DECR2: variants seen among roughly 807,000 people sequenced by gnomAD.
DECR2 encodes the protein peroxisomal 2,4-dienoyl-CoA reductase [(3E)-enoyl-CoA-producing].
In DECR2, 34 loss-of-function variants were observed where a neutral mutation model predicts 29.2. The ratio of observed to expected loss-of-function variants is 1.16; its 90% confidence interval spans 0.89 to 1.55. The LOEUF is 1.55. Among genes scored for constraint, DECR2 ranks in the 40% most tolerant of loss-of-function variants. The pLI, the probability that DECR2 is intolerant of heterozygous loss-of-function variation, is 0.00. For missense variants in DECR2, 485 were observed against 425.3 expected (o/e 1.14, Z -1.23); for synonymous variants, 224 against 182.7 (o/e 1.23, Z -1.82).
Position 410,024 on chromosome 16 carries a change from A to T in DECR2, c.338-219A>T. ...AGGCCACAGTCGCAGGTACGGAGCC[A>T]GGGCTTCAGCATGTCTTCTCTTCTC... On this transcript the variant is annotated intron_variant, in intron 4 of 8. Coordinates refer to ENST00000219481, the MANE Select transcript of DECR2 (RefSeq NM_020664.4). The surrounding 1 kb of genome is among the most constrained non-coding windows in gnomAD (Gnocchi z 4.1). 1.7e-6 allele frequency: 1 copy of T among 595,054 alleles called. No individual in the cohort carries two copies. Among genetic ancestry groups the T allele is most frequent in the Non-Finnish European group, 2.9e-6 (1 of 349,464 alleles). The allele number at this position is 595,054 out of a possible 1,614,324, so 36.9% of individuals were successfully genotyped here.
intron 3 of DECR2, 25 bp downstream of exon 3, chr16:406,422 C>T (rs202104635): frequency 8.1e-6 from 13 of 1,605,454 alleles, no homozygotes; most frequent in Admixed American, 1.7e-5. Context: ...CCCATGGTCC[C>T]CTGTTCGGGT....
rs2054803351 is a variant in DECR2, at chr16:410,567, TGGGCCTCCCCCTG to T, written c.463-123_463-111del. 1 of 1,361,752 alleles carries T rather than the reference TGGGCCTCCCCCTG, an allele frequency of 7.3e-7. No individual in the cohort carries two copies. The highest frequency in any genetic ancestry group is 1.9e-5 in the African/African-American group (1 of 53,268). 84.4% of individuals were successfully genotyped at this position (1,361,752 alleles called of 1,614,324 possible). ...CATGACGGCCGCCCGCTCCCTGCCC[TGGGCCTCCCCCTG>T]ACGGCCGCCCGCTCCCTGCCCCGGG... On this transcript the variant is annotated intron_variant, in intron 5 of 8. Transcript: ENST00000219481. The surrounding 1 kb of genome is among the most constrained non-coding windows in gnomAD (Gnocchi z 4.1).
At chr16:406,131 C>A (rs188206126) in intron 2 of DECR2, among the ~76,000 whole-genome samples, 87 of 152,316 alleles carry the variant, frequency 5.7e-4, no homozygotes, top group African/African-American at 2.1e-3. Context: ...CAGGCCTGTG[C>A]GGTGGGATGT....
At chr16:405,785 T>C in intron 2 of DECR2, 1 of 385,576 alleles carries the variant, frequency 2.6e-6, no homozygotes, top group Non-Finnish European at 5.3e-6. Context: ...GGGTCCTGCT[T>C]CAGAGGGAGT....
chr16:405,541 A>C (rs1335092816), intron 2 of DECR2: 4 of 1,304,758 alleles, frequency 3.1e-6, no homozygotes, highest in South Asian at 1.2e-5. Flanking sequence ...GGGACATTGC[A>C]GCTCCAGTGG....
At chr16:405,563 C>A in intron 2 of DECR2, 1 of 1,304,656 alleles carries the variant, frequency 7.7e-7, no homozygotes, top group Non-Finnish European at 1.0e-6. Flanking sequence ...ACCTGCCTAG[C>A]AGGGGTAGCT....
intron 1 of DECR2, among the ~76,000 whole-genome samples, chr16:402,611 C>G (rs534599442): frequency 3.9e-4 from 60 of 152,160 alleles, no homozygotes; most frequent in Admixed American, 7.9e-4. Flanking sequence ...CACCTGCCCT[C>G]ACTCGGCTAA....
At chr16:405,069 C>T (rs1275094533) in intron 2 of DECR2, 45 bp downstream of exon 2, 2 of 1,609,548 alleles carry the variant, frequency 1.2e-6, no homozygotes, top group Non-Finnish European at 1.7e-6. Flanking sequence ...CTTCTCCCTG[C>T]CCGGGCCCTG....
At position 410,342 on chromosome 16, in the gene DECR2, G is replaced by A. The variant is rs780160364; in HGVS notation, c.437G>A (p.Arg146His). 1.4e-5 allele frequency: 22 copies of A among 1,611,930 alleles called. No individual in the cohort carries two copies. The highest frequency in any genetic ancestry group is 5.0e-5 in the Admixed American group (3 of 59,964). Residue 146 changes from arginine (R) to histidine (H), a missense_variant, in exon 5 of 9, where the codon CGT becomes CAT. Arg to His is a conservative substitution (Grantham distance 29). Transcript: ENST00000219481. This position sits in a 1 kb window ranked among gnomAD's most constrained non-coding sequence, Gnocchi z 4.1. ...ACCAGCGGCACCTTCAATGTGTCTC[G>A]TGTGCTCTATGAGAAGTTCTTCCGG... The part of the protein sequence containing the change: ...IDTSGTFNVS[R>H]VLYEKFFRDH...
chr16:403,590 A>ATC (rs2054692266), intron 1 of DECR2, among the ~76,000 whole-genome samples: 1 of 152,190 alleles, frequency 6.6e-6, no homozygotes, highest in Admixed American at 6.6e-5. Flanking sequence ...TCTCTCTTGT[A>ATC]TCTACTTCTG....
Position 410,697 on chromosome 16 carries a change from G to T in DECR2, c.469G>T (p.Gly157Ter), listed in dbSNP as rs547888369. 2 of 1,605,598 alleles carry T rather than the reference G, an allele frequency of 1.2e-6. No individual in the cohort carries two copies. The highest frequency in any genetic ancestry group is 2.7e-5 in the African/African-American group (2 of 74,942). Residue 157 changes from glycine to a stop codon, truncating the protein, a stop_gained, in exon 6 of 9, where the codon GGA becomes TGA. Transcript: ENST00000219481. LOFTEE classifies it high-confidence loss of function. The surrounding 1 kb of genome is among the most constrained non-coding windows in gnomAD (Gnocchi z 4.1). The part of the protein sequence containing the change: ...VLYEKFFRDH[G>*]GVIVNITATL... Reference sequence around the variant, plus strand: ...CGGGCCTTGTGTGTTGCAGGACCACGGAGGGGTGATCGTGAACATCACTGC... The same window carrying T: ...CGGGCCTTGTGTGTTGCAGGACCACTGAGGGGTGATCGTGAACATCACTGC...
chr16:405,866 G>A (rs755808798), intron 2 of DECR2, among the ~76,000 whole-genome samples: 57 of 152,322 alleles, frequency 3.7e-4, no homozygotes, highest in African/African-American at 9.4e-4. Flanking sequence ...GTGCTCTTTC[G>A]CAAGAACAGT....
rs60098912 is a variant in DECR2, at chr16:410,795, C to A, written c.556+11C>A. On this transcript the variant is annotated intron_variant, in intron 6 of 8. Transcript: ENST00000219481. The surrounding 1 kb of genome is among the most constrained non-coding windows in gnomAD (Gnocchi z 4.1). ...CCAAGGCCGCTGTGGGTATGACCAC[C>A]CCCCCCCGCCCAGGTTTGCCCACGT... 909 of 1,563,160 alleles carry A rather than the reference C, an allele frequency of 5.8e-4. 3 individuals are homozygous for A. The African/African-American group carries it at 0.011, about 19-fold the overall frequency.
chr16:406,560 C>A, intron 3 of DECR2, 163 bp downstream of exon 3: 1 of 705,522 alleles, frequency 1.4e-6, no homozygotes, highest in South Asian at 1.8e-5. Context: ...TGTGGTGGTG[C>A]GATCTCGGCT....
At position 410,654 on chromosome 16, in the gene DECR2, C is replaced by A. The variant is rs1172302316; in HGVS notation, c.463-37C>A. ...CACTGTCCTGTGACCTCCCCCGACA[C>A]CCGCCCGCTCACTGCCCCGGGCCTT... On this transcript the variant is annotated intron_variant, in intron 5 of 8. Transcript: ENST00000219481. The surrounding 1 kb of genome is among the most constrained non-coding windows in gnomAD (Gnocchi z 4.1). 6.5e-7 allele frequency: 1 copy of A among 1,548,144 alleles called. No individual in the cohort carries two copies. The highest frequency in any genetic ancestry group is 8.8e-7 in the Non-Finnish European group (1 of 1,140,102).
rs1260275977 is a variant in DECR2, at chr16:408,208, GCC to G, written c.337+652_337+653del. Among the ~76,000 whole-genome samples the G allele has an allele frequency of 2.3e-5, 3 of 129,802 alleles. 1 individual carries two copies. Among genetic ancestry groups the G allele is most frequent in the African/African-American group, 1.0e-4 (3 of 29,762 alleles). 85.2% of individuals were successfully genotyped at this position (129,802 alleles called of 152,430 possible). On this transcript the variant is annotated intron_variant, in intron 4 of 8. Transcript: ENST00000219481. ...CTCTGTCTCCGGCCCCCTGTCTCCG[GCC>G]CCCTGTCTCCGGGCCTCTGTCTCCG...
At chr16:406,630 T>C (rs1490316318) in intron 3 of DECR2, 4 of 641,980 alleles carry the variant, frequency 6.2e-6, no homozygotes, top group African/African-American at 1.8e-5. Context: ...CCGGAGTAGC[T>C]GGGACTACAG....
At chr16:411,775 G>A (rs751907492) in intron 8 of DECR2, 115 bp from the exon 9 acceptor site, 2 of 570,712 alleles carry the variant, frequency 3.5e-6, no homozygotes, top group South Asian at 2.6e-5. Context: ...TTGCTCTTCT[G>A]TAGCGGCCTC....
intron 2 of DECR2, 65 bp downstream of exon 2, chr16:405,089 C>T (rs957340226): frequency 5.0e-6 from 8 of 1,586,666 alleles, no homozygotes; most frequent in African/African-American, 4.0e-5. Context: ...GCTGGATGCC[C>T]GACCCCTGGA....
Sources: allele counts gnomAD v4.1 joint callset (sites outside exome capture counted in the v4.1 genomes callset), GRCh38; gene constraint gnomAD v4.1.1; non-coding constraint Gnocchi (gnomAD v3.1); transcripts MANE v1.5; gene names NCBI Gene and HGNC (gene_info 2026-07-23, HGNC 2026-07-21).